Variants in OSGEP observed in about 807,000 individuals in gnomAD.
OSGEP encodes the protein O-sialoglycoprotein endopeptidase.
OSGEP carries 39 observed loss-of-function variants against 44.1 expected under a neutral mutation model. The ratio of observed to expected loss-of-function variants is 0.88; its 90% CI spans 0.69 to 1.16. The LOEUF (loss-of-function observed/expected upper bound fraction) is 1.16, where lower values mean the gene tolerates loss of function less well. Ranked by LOEUF, OSGEP falls within the 50% of genes most tolerant of loss-of-function variation. OSGEP has a pLI of 0.00. For synonymous variants in OSGEP, 139 were observed against 161.9 expected, an observed-to-expected ratio of 0.86 and a Z score of 1.07; for missense variants, 403 against 443.1, an observed-to-expected ratio of 0.91 and a Z score of 0.81.
At chr14:20,452,473 A>C in intron 1 of OSGEP, 25 bp from the exon 2 acceptor site, 1 of 1,611,622 alleles carries the variant, frequency 6.2e-7, no homozygotes, top group African/African-American at 1.3e-5. Flanking sequence ...TAGGTCAGAG[A>C]TCACAGGGAT....
chr14:20,448,885 A>C (rs1881026150), intron 5 of OSGEP, 74 bp from the exon 6 acceptor site: 5 of 1,594,704 alleles, frequency 3.1e-6, no homozygotes, highest in Non-Finnish European at 1.7e-6. Context: ...CCCGTCCCAA[A>C]TTTTGTTAAT....
chr14:20,449,203 T>C lies in OSGEP; in HGVS notation c.475A>G (p.Asn159Asp), dbSNP rs1366287584. ...ACTCGAGCAAAACGATCCAGACAAT[T>C]ACCCACTGCAATATCGATGGTTTCC... The part of the protein sequence containing the change: ...FGETIDIAVG[N>D]CLDRFARVLK... The change falls in exon 4 of 11, where the codon AAT becomes GAT. Residue 159 changes from asparagine to aspartate, a missense_variant. Coordinates refer to ENST00000206542, the MANE Select transcript of OSGEP (RefSeq NM_017807.4). 6.2e-7 allele frequency: 1 copy of C among 1,612,962 alleles called. No homozygotes were observed. Among genetic ancestry groups the C allele is most frequent in the African/African-American group, 1.3e-5 (1 of 74,918 alleles).
chr14:20,451,854 A>G, intron 3 of OSGEP, 120 bp downstream of exon 3: 2 of 926,426 alleles, frequency 2.2e-6, no homozygotes, highest in East Asian at 2.8e-5. Flanking sequence ...GGTCTACAGT[A>G]TTTTAGGTTC....
chr14:20,454,412 T>TA (rs1881202033), intron 1 of OSGEP, 157 bp downstream of exon 1: 3 of 719,590 alleles, frequency 4.2e-6, no homozygotes, highest in Non-Finnish European at 7.7e-6. Flanking sequence ...CAAGTGCCTG[T>TA]AACTCTTCTA....
intron 8 of OSGEP, 73 bp downstream of exon 8, chr14:20,447,831 T>C: frequency 7.8e-7 from 1 of 1,274,324 alleles, no homozygotes; most frequent in Non-Finnish European, 1.1e-6. Flanking sequence ...AAACGCTTAA[T>C]GATTTAGAGT....
chr14:20,450,370 A>T (rs1162436632), intron 3 of OSGEP: 4 of 152,164 alleles, frequency 2.6e-5, no homozygotes, highest in Non-Finnish European at 5.9e-5. Context: ...TTTCTGATAC[A>T]GATCTTAATC....
intron 3 of OSGEP, chr14:20,451,326 G>C (rs1017321428): frequency 3.3e-5 from 10 of 302,458 alleles, no homozygotes; most frequent in Non-Finnish European, 5.8e-5. Context: ...GTTTGTTTGA[G>C]ACGGAGTTTT....
chr14:20,448,719 CCT>C lies in OSGEP; in HGVS notation c.636+12_636+13del. On this transcript the variant is annotated intron_variant, in intron 6 of 10. Transcript: ENST00000206542. ...AAGCATGAAAGTGCCCGTCTCATCA[CCT>C]CTCACACTCACCTCAATGAAAGACA... is the stretch of plus-strand genomic sequence containing the variant. 6.3e-7 allele frequency: 1 copy of C among 1,583,870 alleles called. No individual in the cohort carries two copies.
intron 2 of OSGEP, 29 bp downstream of exon 2, chr14:20,452,300 T>A (rs768425074): frequency 9.9e-6 from 16 of 1,612,052 alleles, no homozygotes; most frequent in Non-Finnish European, 1.4e-5. Context: ...GGTATATTCC[T>A]CCATCGTTGA....
chr14:20,451,811 T>G (rs1472437716), intron 3 of OSGEP, 163 bp downstream of exon 3: 2 of 528,708 alleles, frequency 3.8e-6, no homozygotes, highest in South Asian at 3.9e-5. Flanking sequence ...CTGCCAAAAT[T>G]TGCAATGTTA....
At position 20,451,301 on chromosome 14, in the gene OSGEP, G is replaced by GT. The variant is rs1292570440; in HGVS notation, c.411+672dup. 3.8e-5 allele frequency: 11 copies of GT among 292,750 alleles called. 1 individual carries two copies. The highest frequency in any genetic ancestry group is 1.9e-4 in the South Asian group (7 of 36,596). The allele number at this position is 292,750 out of a possible 1,614,324, so 18.1% of individuals were successfully genotyped here. A position where few individuals can be genotyped will look rare whatever the true frequency, so the allele number is the denominator to read the frequency against. On this transcript the variant is annotated intron_variant, in intron 3 of 10. Transcript: ENST00000206542. ...TAGTGTCCTTTAGTTGTTTTTTTTT[G>GT]TTTTTTGTTTGTTTGTTTGTTTGAG... is the stretch of plus-strand genomic sequence containing the variant.
At chr14:20,453,140 G>A (rs903789937) in intron 1 of OSGEP, among the ~76,000 whole-genome samples, 3 of 152,158 alleles carry the variant, frequency 2.0e-5, no homozygotes, top group Admixed American at 6.5e-5. Context: ...AAAGCATTGA[G>A]TATTTTATTT....
chr14:20,450,296 G>A (rs1384366335), intron 3 of OSGEP: 7 of 152,120 alleles, frequency 4.6e-5, no homozygotes, highest in African/African-American at 9.7e-5. Flanking sequence ...TTATAACACC[G>A]AGGGCTTCCT....
At chr14:20,450,921 T>A (rs1335939999) in intron 3 of OSGEP, 1 of 152,252 alleles carries the variant, frequency 6.6e-6, no homozygotes, top group Admixed American at 6.6e-5. Context: ...AAGACCAGCC[T>A]GACCAACAGG....
intron 3 of OSGEP, chr14:20,451,738 T>C: frequency 2.6e-6 from 1 of 380,218 alleles, no homozygotes; most frequent in Non-Finnish European, 4.7e-6. Flanking sequence ...AAGTAGAAAT[T>C]CCTAATCTTT....
At chr14:20,452,867 G>A (rs1461499484) in intron 1 of OSGEP, among the ~76,000 whole-genome samples, 2 of 151,854 alleles carry the variant, frequency 1.3e-5, no homozygotes, top group African/African-American at 2.4e-5. Context: ...ACACCACCAC[G>A]CTCAGCTAAC....
rs1355679034 is a variant in OSGEP, at chr14:20,447,595, C to T, written c.869+20G>A. On this transcript the variant is annotated intron_variant, in intron 9 of 10. Transcript: ENST00000206542. ...ATAACAGGAGAAGTAAAAAAGAAAC[C>T]AAAGGGAAAGTGTCTTTACCTCTCA... 6.2e-7 allele frequency: 1 copy of T among 1,611,998 alleles called. No homozygotes were observed. Among genetic ancestry groups the T allele is most frequent in the African/African-American group, 1.3e-5 (1 of 74,858 alleles).
chr14:20,449,326 G>T, intron 3 of OSGEP, 60 bp from the exon 4 acceptor site: 1 of 1,057,312 alleles, frequency 9.5e-7, no homozygotes, highest in Non-Finnish European at 1.5e-6. Context: ...ATTTGGCTTT[G>T]GGAGAAAAAC....
At position 20,446,801 on chromosome 14, in the gene OSGEP, C is replaced by T. The variant is rs78641117; in HGVS notation, c.*439G>A. ...GAGAATGAATGTAAAGCAGTTAGCACGGGACCCGATGCTATAATAATAGTT... is the reference window on the plus strand; with the variant it reads ...GAGAATGAATGTAAAGCAGTTAGCATGGGACCCGATGCTATAATAATAGTT... On this transcript the variant is annotated 3_prime_UTR_variant, in exon 11 of 11. Coordinates refer to ENST00000206542, the MANE Select transcript of OSGEP (RefSeq NM_017807.4). The T allele has an allele frequency of 0.03, 4,951 of 167,510 alleles. 93 individuals are homozygous for T. The highest frequency in any genetic ancestry group is 0.074 in the South Asian group (456 of 6,172). The allele number at this position is 167,510 out of a possible 1,614,324, so 10.4% of individuals were successfully genotyped here.
Sources: gnomAD v4.1 joint callset for allele counts (sites outside exome capture counted in the v4.1 genomes callset) on GRCh38, gnomAD v4.1.1 for gene constraint, MANE v1.5 for transcripts, NCBI Gene and HGNC (gene_info 2026-07-23, HGNC 2026-07-21) for gene names.